Variants in ADAMTS18 observed in about 807,000 individuals in gnomAD.
ADAMTS18 encodes the protein A disintegrin and metalloproteinase with thrombospondin motifs 18.
Under a neutral mutation model 165.9 loss-of-function variants are expected in ADAMTS18, and 157 were observed. The observed-to-expected ratio is 0.95, with a 90% CI of 0.83 to 1.08. The LOEUF (loss-of-function observed/expected upper bound fraction) is 1.08, where lower values mean the gene tolerates loss of function less well. Among genes scored for constraint, ADAMTS18 ranks in the 50% least tolerant of loss-of-function variants. The probability of loss-of-function intolerance (pLI) is 0.00; values close to 1 mark genes in which losing one functional copy is unlikely to be tolerated. For synonymous variants in ADAMTS18, 782 were observed against 578.2 expected (o/e 1.35, Z -5.06); for missense variants, 2,040 against 1,534.0 (o/e 1.33, Z -5.51).
At chr16:77,428,965 A>G (rs1170057350) in intron 3 of ADAMTS18, among the ~76,000 whole-genome samples, 3 of 152,220 alleles carry the variant, frequency 2.0e-5, no homozygotes, top group Non-Finnish European at 4.4e-5. Flanking sequence ...AAGAATGTTC[A>G]GTCATAACAG....
intron 2 of ADAMTS18, chr16:77,433,356 C>G (rs1029278511): frequency 6.6e-6 from 1 of 152,230 alleles, no homozygotes; most frequent in Non-Finnish European, 1.5e-5. Context: ...CACCTGCTAC[C>G]AGCTTGTTTC....
intron 12 of ADAMTS18, among the ~76,000 whole-genome samples, chr16:77,326,953 T>C (rs2056105606): frequency 6.6e-6 from 1 of 152,204 alleles, no homozygotes. Flanking sequence ...TGACATTTGG[T>C]TTTCTGTTCC....
chr16:77,325,832 G>A, intron 13 of ADAMTS18, 34 bp downstream of exon 13: 1 of 1,583,852 alleles, frequency 6.3e-7, no homozygotes, highest in Non-Finnish European at 8.7e-7. Context: ...TATCCACATA[G>A]AGACTTATTT....
At chr16:77,342,900 A>G (rs1305414202) in intron 10 of ADAMTS18, among the ~76,000 whole-genome samples, 1 of 152,154 alleles carries the variant, frequency 6.6e-6, no homozygotes, top group Admixed American at 6.5e-5. Context: ...GAAGAGAACC[A>G]GAGAGATGAC....
chr16:77,386,191 TAA>T (rs896238263), intron 3 of ADAMTS18, among the ~76,000 whole-genome samples: 2 of 152,168 alleles, frequency 1.3e-5, no homozygotes, highest in Non-Finnish European at 2.9e-5. Flanking sequence ...CACTCAGCAG[TAA>T]AAGTGTTTTG....
intron 5 of ADAMTS18, 151 bp from the exon 6 acceptor site, chr16:77,364,036 AT>A: frequency 7.8e-7 from 1 of 1,277,548 alleles, no homozygotes; most frequent in Non-Finnish European, 1.1e-6. Flanking sequence ...ACTTAAAAAA[AT>A]AAAACCACAT....
intron 8 of ADAMTS18, among the ~76,000 whole-genome samples, chr16:77,358,315 C>T (rs1053047244): frequency 4.6e-5 from 7 of 152,168 alleles, no homozygotes; most frequent in African/African-American, 1.7e-4. Flanking sequence ...GTGGCTCACA[C>T]CTGTAATCTC....
At chr16:77,345,976 T>C (rs373810364) in intron 10 of ADAMTS18, among the ~76,000 whole-genome samples, 4 of 152,304 alleles carry the variant, frequency 2.6e-5, no homozygotes, top group East Asian at 3.9e-4. Flanking sequence ...ATCCTACCAG[T>C]TTAGGTCTTG....
intron 3 of ADAMTS18, among the ~76,000 whole-genome samples, chr16:77,393,610 C>T (rs578205125): frequency 5.9e-5 from 9 of 152,302 alleles, no homozygotes; most frequent in African/African-American, 1.2e-4. Context: ...TCTTCCACCA[C>T]GTGAAGACAC....
rs1415039564 is a variant in ADAMTS18, at chr16:77,297,360, G to T, written c.2730C>A (p.Ser910=). The change falls in exon 18 of 23, where the codon TCC becomes TCA. Residue 910 remains serine (S), a synonymous_variant. Transcript: ENST00000282849. The part of the protein sequence containing the change: ...CLRDQNTQVN[S]SFCSAKTKPV... The stretch of plus-strand genomic sequence containing the variant: ...GCTTGGTTTTTGCACTGCAGAATGA[G>T]GAATTGACTTGAGTATTTTGATCTC... 1.9e-6 allele frequency: 3 copies of T among 1,613,940 alleles called. No individual in the cohort carries two copies.
intron 16 of ADAMTS18, among the ~76,000 whole-genome samples, chr16:77,309,484 G>A (rs937953305): frequency 6.6e-6 from 1 of 152,130 alleles, no homozygotes; most frequent in Admixed American, 6.6e-5. Flanking sequence ...AAACCATCTA[G>A]AACCAAGGAC....
chr16:77,357,652 G>C (rs546182696), intron 8 of ADAMTS18, among the ~76,000 whole-genome samples: 2 of 152,120 alleles, frequency 1.3e-5, no homozygotes, highest in Non-Finnish European at 2.9e-5. Context: ...TTTTATGTGC[G>C]TAAGAAAATC....
intron 16 of ADAMTS18, among the ~76,000 whole-genome samples, chr16:77,308,538 G>A (rs748254783): frequency 4.7e-5 from 7 of 149,598 alleles, no homozygotes; most frequent in African/African-American, 7.4e-5. Context: ...GTCACTTCTA[G>A]AGAATGTGTC....
At chr16:77,390,597 G>T (rs2057172525) in intron 3 of ADAMTS18, among the ~76,000 whole-genome samples, 1 of 152,070 alleles carries the variant, frequency 6.6e-6, no homozygotes. Context: ...GGCTGAGGCA[G>T]GAGAATTGCC....
intron 5 of ADAMTS18, 108 bp downstream of exon 5, chr16:77,364,079 CA>C (rs2056755855): frequency 6.9e-7 from 1 of 1,445,392 alleles, no homozygotes; most frequent in African/African-American, 1.4e-5. Flanking sequence ...GCAGAAACTG[CA>C]ATTACATTTG....
At chr16:77,284,218 C>G in intron 22 of ADAMTS18, 147 bp from the exon 23 acceptor site, 1 of 612,828 alleles carries the variant, frequency 1.6e-6, no homozygotes, top group Non-Finnish European at 2.9e-6. Context: ...CTCTGCTGCC[C>G]AGGTTCAAAC....
chr16:77,394,239 T>C (rs1597218800), intron 3 of ADAMTS18, among the ~76,000 whole-genome samples: 1 of 152,208 alleles, frequency 6.6e-6, no homozygotes, highest in Non-Finnish European at 1.5e-5. Flanking sequence ...TGTGTTTGTT[T>C]ATGGACTATT....
chr16:77,332,779 G>C (rs1765816096), intron 12 of ADAMTS18, among the ~76,000 whole-genome samples: 1 of 152,136 alleles, frequency 6.6e-6, no homozygotes, highest in Admixed American at 6.5e-5. Context: ...GTGCCCACAG[G>C]TGACCACAGG....
intron 11 of ADAMTS18, among the ~76,000 whole-genome samples, chr16:77,337,051 C>T (rs1232990559): frequency 1.3e-5 from 2 of 152,168 alleles, no homozygotes; most frequent in Admixed American, 6.5e-5. Flanking sequence ...TGGTTGCTAG[C>T]GCACTCTATC....
Sources: gnomAD v4.1 joint callset for allele counts (sites outside exome capture counted in the v4.1 genomes callset) on GRCh38, gnomAD v4.1.1 for gene constraint, MANE v1.5 for transcripts, NCBI Gene and HGNC (gene_info 2026-07-23, HGNC 2026-07-21) for gene names.